Variants in SP3 observed in about 807,000 individuals in gnomAD.
SP3 encodes the protein Sp3 transcription factor.
Under a neutral mutation model 70.3 loss-of-function variants are expected in SP3, and 10 were observed. The observed-to-expected ratio is 0.14, with a 90% CI of 0.09 to 0.24. The LOEUF (loss-of-function observed/expected upper bound fraction) is 0.24. Among genes scored for constraint, SP3 ranks in the 10% least tolerant of loss-of-function variants. The pLI, the probability that SP3 is intolerant of heterozygous loss-of-function variation, is 1.00. For synonymous variants in SP3, 402 were observed against 333.5 expected, an observed-to-expected ratio of 1.21 and a Z score of -2.24; for missense variants, 825 against 914.6, an observed-to-expected ratio of 0.90 and a Z score of 1.26.
At position 173,964,452 on chromosome 2, in the gene SP3, G is replaced by T; in HGVS notation, c.109C>A (p.Gln37Lys). 1.4e-6 allele frequency: 1 copy of T among 730,562 alleles called. No homozygotes were observed. 45.3% of individuals were successfully genotyped at this position (730,562 alleles called of 1,614,324 possible). The change falls in exon 2 of 7, where the codon CAG becomes AAG. Residue 37 changes from glutamine (Q) to lysine (K), a missense_variant. This residue lies in a region of SP3 where 678 missense variants were observed against 651.6 expected (regional missense o/e 1.04). Coordinates refer to ENST00000310015, the MANE Select transcript of SP3 (RefSeq NM_003111.5). The part of the protein sequence containing the change: ...GGGHGEYLQQ[Q>K]QQHGNGAVAA... Reference sequence around the variant, plus strand: ...ACCGCACCGTTTCCGTGCTGTTGCTGCTGCTGCAGATACTCGCCGTGGCCG... The same window carrying T: ...ACCGCACCGTTTCCGTGCTGTTGCTTCTGCTGCAGATACTCGCCGTGGCCG...
intron 4 of SP3, among the ~76,000 whole-genome samples, chr2:173,947,544 G>C (rs1690581413): frequency 6.6e-6 from 1 of 152,050 alleles, no homozygotes; most frequent in Non-Finnish European, 1.5e-5. Context: ...CTCATGTACA[G>C]GATTTGATTG....
chr2:173,964,866 T>C, intron 1 of SP3: 1 of 489,424 alleles, frequency 2.0e-6, no homozygotes, highest in Non-Finnish European at 3.6e-6. Flanking sequence ...CTCGCTCCTC[T>C]CGCACCGTCA....
chr2:173,965,117 AGCGGCG>A (rs771317958), intron 1 of SP3, 42 bp downstream of exon 1: 10 of 1,542,208 alleles, frequency 6.5e-6, no homozygotes, highest in Non-Finnish European at 7.0e-6. Context: ...GGTCGGCGGC[AGCGGCG>A]GCGGCGGCAG....
chr2:173,929,532 C>T (rs1436020348), intron 4 of SP3, among the ~76,000 whole-genome samples: 3 of 152,164 alleles, frequency 2.0e-5, no homozygotes, highest in Non-Finnish European at 4.4e-5. Context: ...ATAAAAAATG[C>T]TCCAGTTCAA....
At position 173,906,204 on chromosome 2, in the gene SP3, G is replaced by A. The variant is rs1450324436; in HGVS notation, c.*3737C>T. Among the ~76,000 whole-genome samples the A allele has an allele frequency of 1.3e-5, 2 of 152,088 alleles. No homozygotes were observed. The highest frequency in any genetic ancestry group is 3.8e-4 in the East Asian group (2 of 5,202). The stretch of plus-strand genomic sequence containing the variant: ...CTGTACCTTTGCAAACGCCATTTCT[G>A]CTGAGTTTCCCAGACTTCATGCAGA... On this transcript the variant is annotated 3_prime_UTR_variant, in exon 7 of 7. Transcript: ENST00000310015.
chr2:173,952,851 T>C (rs1690753854), intron 4 of SP3, among the ~76,000 whole-genome samples: 1 of 152,178 alleles, frequency 6.6e-6, no homozygotes, highest in Non-Finnish European at 1.5e-5. Flanking sequence ...CTGGCAAATC[T>C]GAAGGGACAG....
Position 173,963,887 on chromosome 2 carries a change from C to G in SP3, c.157-4G>C, listed in dbSNP as rs779834975. 43 of 1,503,860 alleles carry G rather than the reference C, an allele frequency of 2.9e-5. No homozygotes were observed. Among genetic ancestry groups the G allele is most frequent in the Non-Finnish European group, 3.8e-5 (43 of 1,124,582 alleles). The allele number at this position is 1,503,860 out of a possible 1,614,324, so 93.2% of individuals were successfully genotyped here. ...CGAGCGGTGACGGCTGAGTGTCCTACCCCCAATGGGCGGGTTCAGAGAGGG... is the reference window on the plus strand; with the variant it reads ...CGAGCGGTGACGGCTGAGTGTCCTAGCCCCAATGGGCGGGTTCAGAGAGGG... On this transcript the variant is annotated splice_region_variant and splice_polypyrimidine_tract_variant and intron_variant, in intron 2 of 6. Transcript: ENST00000310015.
intron 4 of SP3, among the ~76,000 whole-genome samples, chr2:173,941,328 C>T (rs753163113): frequency 2.0e-5 from 3 of 152,190 alleles, no homozygotes; most frequent in Non-Finnish European, 4.4e-5. Flanking sequence ...ATAGATAATG[C>T]TAGGCATGGT....
At chr2:173,916,510 A>T (rs538633715) in intron 5 of SP3, 9 of 152,116 alleles carry the variant, frequency 5.9e-5, no homozygotes, top group African/African-American at 2.2e-4. Flanking sequence ...TACAAAAAAA[A>T]AGAAACAATT....
rs765024914 is a variant in SP3 at position 173,918,742 on chromosome 2, C to G, written c.1683G>C (p.Gln561His). ...TATTCAAGGTAGAATCACCACTGAGCTGCCACTCTTCAGGATCAGGTTCTT... is the reference window on the plus strand; with the variant it reads ...TATTCAAGGTAGAATCACCACTGAGGTGCCACTCTTCAGGATCAGGTTCTT... ...KEEEPDPEEW[Q>H]LSGDSTLNTN... Residue 561 changes from glutamine (Q) to histidine (H), a missense_variant, in exon 5 of 7, where the codon CAG (glutamine) becomes CAC (histidine). By Grantham distance (24) the Gln-to-His change is conservative. Transcript: ENST00000310015. 16 of 1,613,252 alleles carry G rather than the reference C, an allele frequency of 9.9e-6. No homozygotes were observed. In the South Asian group the frequency reaches 1.8e-4, roughly 18 times the overall value.
intron 4 of SP3, among the ~76,000 whole-genome samples, chr2:173,947,629 G>A (rs1024350987): frequency 2.0e-5 from 3 of 151,918 alleles, no homozygotes; most frequent in Non-Finnish European, 4.4e-5. Context: ...ACTGACAATT[G>A]CAAGCATACT....
intron 4 of SP3, among the ~76,000 whole-genome samples, chr2:173,929,430 T>C (rs1050660759): frequency 6.6e-6 from 1 of 152,186 alleles, no homozygotes; most frequent in Non-Finnish European, 1.5e-5. Context: ...CACCTCTATA[T>C]CAAGTCCAGA....
At chr2:173,937,134 T>A (rs57645908) in intron 4 of SP3, among the ~76,000 whole-genome samples, 35,558 of 152,072 alleles carry the variant, frequency 0.23, 4,315 homozygotes, top group Middle Eastern at 0.29. Context: ...AGTTGACTAT[T>A]TACATTTTCA....
In SP3 at chr2:173,904,807, T is replaced by C. The variant is rs1230625008; in HGVS notation, c.*5134A>G. Among the ~76,000 whole-genome samples, 4 of 152,310 alleles carry C rather than the reference T, an allele frequency of 2.6e-5. No individual in the cohort carries two copies. The East Asian group carries it at 7.7e-4, about 29-fold the overall frequency. ...AAGGTCACTAAGCCAATACTTCCTG[T>C]ATTTCGTTGTTGTCGATTAATCGGA... On this transcript the variant is annotated 3_prime_UTR_variant, in exon 7 of 7. Transcript: ENST00000310015.
In SP3 at chr2:173,907,503, TACA is replaced by T. The variant is rs1046996332; in HGVS notation, c.*2435_*2437del. ...ATTCCTAGGGGGCACTAAAAAAATC[TACA>T]ACTTTATTTAAATAATTTTCAAGAC... On this transcript the variant is annotated 3_prime_UTR_variant, in exon 7 of 7. Transcript: ENST00000310015. The T allele has an allele frequency of 6.6e-6, 1 of 152,134 alleles. No homozygotes were observed. Among genetic ancestry groups the T allele is most frequent in the Non-Finnish European group, 1.5e-5 (1 of 67,974 alleles). 9.4% of individuals were successfully genotyped at this position (152,134 alleles called of 1,614,324 possible). A position where few individuals can be genotyped will look rare whatever the true frequency, so the allele number is the denominator to read the frequency against.
chr2:173,964,993 G>A, intron 1 of SP3, 172 bp downstream of exon 1: 1 of 831,994 alleles, frequency 1.2e-6, no homozygotes, highest in Non-Finnish European at 1.8e-6. Flanking sequence ...GGGGGTGGAC[G>A]GTGGCTGGCG....
intron 5 of SP3, chr2:173,915,350 T>C (rs904124905): frequency 2.6e-5 from 4 of 152,160 alleles, no homozygotes; most frequent in African/African-American, 9.7e-5. Flanking sequence ...ATGGTAGATG[T>C]GGATTTACGG....
Position 173,963,809 on chromosome 2 carries a change from G to C in SP3, c.231C>G (p.Asp77Glu). 2 of 1,455,274 alleles carry C rather than the reference G, an allele frequency of 1.4e-6. No homozygotes were observed. Among genetic ancestry groups the C allele is most frequent in the Non-Finnish European group, 1.8e-6 (2 of 1,093,328 alleles). 90.1% of individuals were successfully genotyped at this position (1,455,274 alleles called of 1,614,324 possible). ...SKIGPPSPGD[D>E]EEEAAAAAGA... is the part of the protein sequence containing the mutation. ...CGGCTGCGGCGGCCGCCTCCTCCTC[G>C]TCGTCGCCCGGCGATGGCGGCCCTA... The change falls in exon 3 of 7, where the codon GAC becomes GAG. Residue 77 changes from aspartate (D) to glutamate (E), a missense_variant. This residue lies in a region of SP3 where 678 missense variants were observed against 651.6 expected (regional missense o/e 1.04). Coordinates refer to ENST00000310015, the MANE Select transcript of SP3 (RefSeq NM_003111.5).
At position 173,923,275 on chromosome 2, in the gene SP3, G is replaced by A. The variant is rs559338939; in HGVS notation, c.1640-4490C>T. The stretch of plus-strand genomic sequence containing the variant: ...AGGCCTACCAATAAAACAAGCTTGC[G>A]AAAGGGGTATGTACAAAAGAAAAAA... On this transcript the variant is annotated intron_variant, in intron 4 of 6. Transcript: ENST00000310015. 9.9e-4 allele frequency among the ~76,000 whole-genome samples: 150 copies of A among 151,842 alleles called. 1 individual carries two copies. Among genetic ancestry groups the A allele is most frequent in the African/African-American group, 3.1e-3 (128 of 41,416 alleles).
Sources: allele counts gnomAD v4.1 joint callset (sites outside exome capture counted in the v4.1 genomes callset), GRCh38; gene constraint gnomAD v4.1.1; regional missense constraint gnomAD v4.1.1; transcripts MANE v1.5; gene names NCBI Gene and HGNC (gene_info 2026-07-23, HGNC 2026-07-21).